The following TTC1 variants were observed in gnomAD, a reference collection of about 807,000 sequenced individuals.
The protein encoded by TTC1 is tetratricopeptide repeat protein 1.
Under a neutral mutation model 37.6 loss-of-function variants are expected in TTC1, and 31 were observed. The ratio of observed to expected loss-of-function variants is 0.82; its 90% confidence interval spans 0.62 to 1.11. The LOEUF (loss-of-function observed/expected upper bound fraction) is 1.11. Among genes scored for constraint, TTC1 ranks in the 50% most tolerant of loss-of-function variants. TTC1 has a pLI of 0.00. For missense variants in TTC1, 351 were observed against 339.0 expected (o/e 1.04, Z -0.28); for synonymous variants, 127 against 122.4 (o/e 1.04, Z -0.25).
chr5:160,017,672 CAT>C (rs533148892), intron 2 of TTC1, among the ~76,000 whole-genome samples: 26 of 152,268 alleles, frequency 1.7e-4, no homozygotes, highest in East Asian at 1.2e-3. Context: ...TCTTAGGTCT[CAT>C]GTGTAAATTT....
intron 7 of TTC1, among the ~76,000 whole-genome samples, chr5:160,058,625 A>G (rs1484315866): frequency 2.0e-5 from 3 of 151,704 alleles, no homozygotes; most frequent in South Asian, 4.2e-4. Flanking sequence ...GGTAGCCAGG[A>G]TGGTCTTGAT....
chr5:160,057,822 G>A lies in TTC1; in HGVS notation c.745+6639G>A, dbSNP rs531758361. On this transcript the variant is annotated intron_variant, in intron 7 of 7. Transcript: ENST00000231238. This position sits in a 1 kb window ranked among gnomAD's most constrained non-coding sequence, Gnocchi z 4.4. The stretch of plus-strand genomic sequence containing the variant: ...CCTCATTCTGTCGCCAGGCTGGAGT[G>A]CAGTGGCACAATCTTGGCTCACTGC... Among the ~76,000 whole-genome samples, 1 of 152,310 alleles carries A rather than the reference G, an allele frequency of 6.6e-6. No individual in the cohort carries two copies. The highest frequency in any genetic ancestry group is 6.5e-5 in the Admixed American group (1 of 15,308).
chr5:160,014,500 C>CA lies in TTC1; in HGVS notation c.330+3655dup, dbSNP rs200268765. 2.6e-3 allele frequency among the ~76,000 whole-genome samples: 364 copies of CA among 137,950 alleles called. 4 individuals carry two copies. Among genetic ancestry groups the CA allele is most frequent in the African/African-American group, 8.0e-3 (301 of 37,530 alleles). 90.5% of individuals were successfully genotyped at this position (137,950 alleles called of 152,430 possible). ...GCAACATAGTGAGACCCTGTCTTTC[C>CA]AAAAAAAAAAAAATTTTTTTTTAAT... On this transcript the variant is annotated intron_variant, in intron 2 of 7. Transcript: ENST00000231238.
intron 5 of TTC1, among the ~76,000 whole-genome samples, chr5:160,045,640 T>C (rs1201344735): frequency 1.3e-5 from 2 of 151,926 alleles, no homozygotes; most frequent in African/African-American, 2.4e-5. Context: ...TCCAGGGTTT[T>C]CATCCTTGAC....
At chr5:160,014,029 A>G (rs1452405818) in intron 2 of TTC1, among the ~76,000 whole-genome samples, 2 of 152,150 alleles carry the variant, frequency 1.3e-5, no homozygotes, top group South Asian at 2.1e-4. Flanking sequence ...AAATGTGGCT[A>G]TTACGGCTGA....
In TTC1 at chr5:160,057,794, G is replaced by T. The variant is rs1757581262; in HGVS notation, c.745+6611G>T. 6.6e-6 allele frequency among the ~76,000 whole-genome samples: 1 copy of T among 152,134 alleles called. No individual in the cohort carries two copies. Among genetic ancestry groups the T allele is most frequent in the South Asian group, 2.1e-4 (1 of 4,826 alleles). ...TGCGTGTGTGTGTGTGTGTGACACAGAGCCTCATTCTGTCGCCAGGCTGGA... is the reference window on the plus strand; with the variant it reads ...TGCGTGTGTGTGTGTGTGTGACACATAGCCTCATTCTGTCGCCAGGCTGGA... On this transcript the variant is annotated intron_variant, in intron 7 of 7. Coordinates refer to ENST00000231238, the MANE Select transcript of TTC1 (RefSeq NM_003314.3). The surrounding 1 kb of genome is among the most constrained non-coding windows in gnomAD (Gnocchi z 4.4).
chr5:160,020,390 C>T lies in TTC1; in HGVS notation c.330+9532C>T, dbSNP rs182930701. Reference sequence around the variant, plus strand: ...TTGGCCTCCCAAAGTGCTGGGATTACAGGAATGAACCACCCTGCCTGGCCT... The same window carrying T: ...TTGGCCTCCCAAAGTGCTGGGATTATAGGAATGAACCACCCTGCCTGGCCT... On this transcript the variant is annotated intron_variant, in intron 2 of 7. Transcript: ENST00000231238. Among the ~76,000 whole-genome samples, 299 of 152,260 alleles carry T rather than the reference C, an allele frequency of 2.0e-3. 3 individuals are homozygous for T. Among genetic ancestry groups the T allele is most frequent in the Middle Eastern group, 6.8e-3 (2 of 294 alleles).
chr5:160,039,750 T>C (rs748651226), intron 4 of TTC1, among the ~76,000 whole-genome samples: 7 of 152,196 alleles, frequency 4.6e-5, no homozygotes, highest in Non-Finnish European at 1.5e-5. Flanking sequence ...CTTATAGAAA[T>C]GTGATAAGTT....
At chr5:160,030,502 G>GTATGT (rs1336229873) in intron 2 of TTC1, among the ~76,000 whole-genome samples, 1 of 152,198 alleles carries the variant, frequency 6.6e-6, no homozygotes, top group Non-Finnish European at 1.5e-5. Context: ...ATGAGCTGAT[G>GTATGT]TATGTGACAG....
intron 2 of TTC1, among the ~76,000 whole-genome samples, chr5:160,026,708 A>G (rs562065663): frequency 2.6e-5 from 4 of 152,138 alleles, no homozygotes; most frequent in Non-Finnish European, 5.9e-5. Context: ...TATGCATCCT[A>G]TAGTCAACAT....
Position 160,057,784 on chromosome 5 carries a change from G to T in TTC1, c.745+6601G>T, listed in dbSNP as rs1031335733. Among the ~76,000 whole-genome samples, 1 of 152,156 alleles carries T rather than the reference G, an allele frequency of 6.6e-6. No individual in the cohort carries two copies. Among genetic ancestry groups the T allele is most frequent in the African/African-American group, 2.4e-5 (1 of 41,436 alleles). On this transcript the variant is annotated intron_variant, in intron 7 of 7. Transcript: ENST00000231238. This position sits in a 1 kb window ranked among gnomAD's most constrained non-coding sequence, Gnocchi z 4.4. ...TGGGGGTTTGTGCGTGTGTGTGTGT[G>T]TGTGACACAGAGCCTCATTCTGTCG...
At chr5:160,019,444 G>C (rs1231654019) in intron 2 of TTC1, among the ~76,000 whole-genome samples, 2 of 152,082 alleles carry the variant, frequency 1.3e-5, no homozygotes, top group Non-Finnish European at 2.9e-5. Flanking sequence ...TAATGTTGTG[G>C]CTGTGGATGT....
At chr5:160,019,886 C>G (rs1234152780) in intron 2 of TTC1, among the ~76,000 whole-genome samples, 1 of 151,250 alleles carries the variant, frequency 6.6e-6, no homozygotes, top group East Asian at 2.0e-4. Context: ...TGCCTCCTGC[C>G]TCCCTTTTCT....
chr5:160,010,397 G>T (rs978087196), intron 1 of TTC1, 103 bp from the exon 2 acceptor site: 1 of 609,952 alleles, frequency 1.6e-6, no homozygotes, highest in East Asian at 2.7e-5. Flanking sequence ...AGGAAATTAC[G>T]GTGTGTTTTT....
chr5:160,057,096 G>A lies in TTC1; in HGVS notation c.745+5913G>A, dbSNP rs191818408. Among the ~76,000 whole-genome samples, 19 of 152,246 alleles carry A rather than the reference G, an allele frequency of 1.2e-4. No individual in the cohort carries two copies. Among genetic ancestry groups the A allele is most frequent in the African/African-American group, 4.6e-4 (19 of 41,542 alleles). Reference sequence around the variant, plus strand: ...GCACAAGAAACCAATTCCTTGTTGTGGTTGGTTGTTCCCTCAGTAGAGAAT... The same window carrying A: ...GCACAAGAAACCAATTCCTTGTTGTAGTTGGTTGTTCCCTCAGTAGAGAAT... On this transcript the variant is annotated intron_variant, in intron 7 of 7. Coordinates refer to ENST00000231238, the MANE Select transcript of TTC1 (RefSeq NM_003314.3). The surrounding 1 kb of genome is among the most constrained non-coding windows in gnomAD (Gnocchi z 4.4).
At chr5:160,051,097 T>A (rs781566805) in intron 6 of TTC1, 32 bp from the exon 7 acceptor site, 9 of 1,536,210 alleles carry the variant, frequency 5.9e-6, no homozygotes, top group Non-Finnish European at 7.9e-6. Context: ...TTTTTTTTTT[T>A]TACCAACCCT....
At position 160,010,776 on chromosome 5, in the gene TTC1, C is replaced by G; in HGVS notation, c.248C>G (p.Ser83Cys). ...EPGADKVENK[S>C]NEDVNSSELD... is the part of the protein sequence containing the mutation. ...GGAGCGGACAAGGTTGAGAACAAAT[C>G]TAATGAAGATGTGAATTCCTCTGAA... The change falls in exon 2 of 8, where the codon TCT (serine) becomes TGT (cysteine). Residue 83 changes from serine to cysteine, a missense_variant. By Grantham distance (112) the Ser-to-Cys change is moderately radical. Coordinates refer to ENST00000231238, the MANE Select transcript of TTC1 (RefSeq NM_003314.3). The G allele has an allele frequency of 6.2e-6, 10 of 1,614,168 alleles. No individual in the cohort carries two copies. The highest frequency in any genetic ancestry group is 8.5e-6 in the Non-Finnish European group (10 of 1,180,034).
At chr5:160,042,348 A>C (rs1350381725) in intron 4 of TTC1, among the ~76,000 whole-genome samples, 1 of 152,186 alleles carries the variant, frequency 6.6e-6, no homozygotes, top group East Asian at 1.9e-4. Flanking sequence ...ACTTATTTGA[A>C]ATACCTTATT....
rs887821267 is a variant in TTC1, at chr5:160,035,303, C to G, written c.391+103C>G. 3.2e-6 allele frequency: 3 copies of G among 933,018 alleles called. No individual in the cohort carries two copies. In the African/African-American group the frequency reaches 5.2e-5, roughly 16 times the overall value. The allele number at this position is 933,018 out of a possible 1,614,324, so 57.8% of individuals were successfully genotyped here. A position where few individuals can be genotyped will look rare whatever the true frequency, so the allele number is the denominator to read the frequency against. ...AGAACATCTGAAGAAACCCCAAAACCAGACTTCACAATACAGTGTTGCTTC... is the reference window on the plus strand; with the variant it reads ...AGAACATCTGAAGAAACCCCAAAACGAGACTTCACAATACAGTGTTGCTTC... On this transcript the variant is annotated intron_variant, in intron 3 of 7. Coordinates refer to ENST00000231238, the MANE Select transcript of TTC1 (RefSeq NM_003314.3).
Sources: allele counts gnomAD v4.1 joint callset (sites outside exome capture counted in the v4.1 genomes callset), GRCh38; gene constraint gnomAD v4.1.1; non-coding constraint Gnocchi (gnomAD v3.1); transcripts MANE v1.5; gene names NCBI Gene and HGNC (gene_info 2026-07-23, HGNC 2026-07-21).